CPT2: variants seen among roughly 807,000 people sequenced by gnomAD.
The protein encoded by CPT2 is carnitine O-palmitoyltransferase 2, mitochondrial.
In CPT2, 37 loss-of-function variants were observed where a neutral mutation model predicts 48.6. That is an observed-to-expected ratio of 0.76 (90% CI 0.59 to 1.00). CPT2 has a LOEUF of 1.00. CPT2 is among the 50% of genes least tolerant of loss of function. The probability of loss-of-function intolerance (pLI) is 0.00; values close to 1 mark genes in which losing one functional copy is unlikely to be tolerated. For synonymous variants in CPT2, 319 were observed against 326.9 expected (o/e 0.98, Z 0.26); for missense variants, 772 against 825.6 (o/e 0.94, Z 0.80).
intron 1 of CPT2, chr1:53,197,602 C>T (rs1329438277): frequency 8.2e-6 from 2 of 242,666 alleles, no homozygotes; most frequent in Non-Finnish European, 1.7e-5. Context: ...CCCCACCTCC[C>T]ATTTCTCCAG....
intron 1 of CPT2, chr1:53,197,297 TTCCAGAACCCC>T: frequency 1.5e-6 from 1 of 667,588 alleles, no homozygotes; most frequent in Non-Finnish European, 2.6e-6. Flanking sequence ...TCAAATTCTC[TTCCAGAACCCC>T]TCGATGCTAT....
chr1:53,208,193 C>T (rs2100269231), intron 3 of CPT2: 1 of 152,250 alleles, frequency 6.6e-6, no homozygotes, highest in African/African-American at 2.4e-5. Flanking sequence ...AATTATTTGC[C>T]TCCTTCACCA....
chr1:53,197,321 CA>C lies in CPT2; in HGVS notation c.152+227del, dbSNP rs917865437. 9.8e-6 allele frequency: 6 copies of C among 614,202 alleles called. No individual in the cohort carries two copies. In the Admixed American group the frequency reaches 1.3e-4, roughly 14 times the overall value. 38.0% of individuals were successfully genotyped at this position (614,202 alleles called of 1,614,324 possible). On this transcript the variant is annotated intron_variant, in intron 1 of 4. Coordinates refer to ENST00000371486, the MANE Select transcript of CPT2 (RefSeq NM_000098.3). The stretch of plus-strand genomic sequence containing the variant: ...CTTCCAGAACCCCTCGATGCTATCT[CA>C]GATTCTCCATCTTGAACGCTTCTCA...
At chr1:53,204,692 T>C (rs1159064458) in intron 3 of CPT2, among the ~76,000 whole-genome samples, 1 of 152,108 alleles carries the variant, frequency 6.6e-6, no homozygotes, top group Admixed American at 6.5e-5. Context: ...AATCCCCACG[T>C]GTTGAAGGAG....
chr1:53,202,758 T>G, intron 3 of CPT2: 1 of 356,384 alleles, frequency 2.8e-6, no homozygotes, highest in Non-Finnish European at 5.4e-6. Context: ...CAGACAGAAC[T>G]GTCCTCTCCA....
intron 1 of CPT2, among the ~76,000 whole-genome samples, chr1:53,198,260 AG>A: frequency 6.6e-6 from 1 of 152,200 alleles, no homozygotes; most frequent in East Asian, 1.9e-4. Flanking sequence ...CAAGAGCTAG[AG>A]GCCAGGCTTC....
chr1:53,212,015 C>T (rs1645432059), intron 4 of CPT2, among the ~76,000 whole-genome samples: 2 of 152,108 alleles, frequency 1.3e-5, no homozygotes, highest in Non-Finnish European at 2.9e-5. Context: ...GCCTCAGCCT[C>T]CCAAATAGCT....
At chr1:53,213,026 T>C (rs1645439492) in intron 4 of CPT2, among the ~76,000 whole-genome samples, 1 of 152,204 alleles carries the variant, frequency 6.6e-6, no homozygotes, top group African/African-American at 2.4e-5. Context: ...CATTTTTAGC[T>C]CAGCTGTTGA....
In CPT2 at chr1:53,196,999, G is replaced by A. The variant is rs938409577; in HGVS notation, c.56G>A (p.Gly19Glu). ...CCCCGGGGCCCCGCGGTTGGTCCGG[G>A]AGCCCCCAGTCGGCCCCTCAGCGCC... ...AWPRGPAVGPGAPSRPLSAGS... is the reference protein window; with the variant it reads ...AWPRGPAVGPEAPSRPLSAGS... The change falls in exon 1 of 5, where the codon GGA (glycine) becomes GAA (glutamate). Residue 19 changes from glycine (G) to glutamate (E), a missense_variant. Physicochemically the swap from Gly to Glu is moderately conservative, Grantham distance 98. Transcript: ENST00000371486. 1 of 1,532,426 alleles carries A rather than the reference G, an allele frequency of 6.5e-7. No individual in the cohort carries two copies. Among genetic ancestry groups the A allele is most frequent in the Non-Finnish European group, 8.7e-7 (1 of 1,144,476 alleles). 94.9% of individuals were successfully genotyped at this position (1,532,426 alleles called of 1,614,324 possible). A position where few individuals can be genotyped will look rare whatever the true frequency, so the allele number is the denominator to read the frequency against.
rs2100273464 is a variant in CPT2 at position 53,210,751 on chromosome 1, T to C, written c.1077T>C (p.Ile359=). Residue 359 remains isoleucine, a synonymous_variant, in exon 4 of 5, where the codon ATT becomes ATC. Coordinates refer to ENST00000371486, the MANE Select transcript of CPT2 (RefSeq NM_000098.3). The part of the protein sequence containing the change: ...NRWFDKSFNL[I]IAKDGSTAVH... Reference sequence around the variant, plus strand: ...GGTTTGATAAATCCTTTAACCTCATTATCGCCAAGGATGGCTCTACTGCCG... The same window carrying C: ...GGTTTGATAAATCCTTTAACCTCATCATCGCCAAGGATGGCTCTACTGCCG... 2 of 1,614,168 alleles carry C rather than the reference T, an allele frequency of 1.2e-6. No individual in the cohort carries two copies. The highest frequency in any genetic ancestry group is 1.7e-6 in the Non-Finnish European group (2 of 1,180,032).
At position 53,213,625 on chromosome 1, in the gene CPT2, T is replaced by C. The variant is rs1645446163; in HGVS notation, c.*30T>C. On this transcript the variant is annotated 3_prime_UTR_variant, in exon 5 of 5. Transcript: ENST00000371486. ...TGGGCAGATGAAAAGCTACCATCACTTCCTCATCATGAAAACTGGGAGGCC... is the reference window on the plus strand; with the variant it reads ...TGGGCAGATGAAAAGCTACCATCACCTCCTCATCATGAAAACTGGGAGGCC... 7 of 1,590,508 alleles carry C rather than the reference T, an allele frequency of 4.4e-6. No individual in the cohort carries two copies. In the Admixed American group the frequency reaches 1.2e-4, roughly 27 times the overall value.
chr1:53,205,910 C>T (rs1452587183), intron 3 of CPT2, among the ~76,000 whole-genome samples: 1 of 152,098 alleles, frequency 6.6e-6, no homozygotes, highest in African/African-American at 2.4e-5. Flanking sequence ...CGGCCGGGTG[C>T]GGTGGCTCAC....
rs1437792327 is a variant in CPT2 at position 53,213,606 on chromosome 1, G to A, written c.*11G>A. 1 of 1,609,182 alleles carries A rather than the reference G, an allele frequency of 6.2e-7. No individual in the cohort carries two copies. The highest frequency in any genetic ancestry group is 1.3e-5 in the African/African-American group (1 of 74,858). ...TCCATCAAAAGTTAACTTCTGGGCA[G>A]ATGAAAAGCTACCATCACTTCCTCA... On this transcript the variant is annotated 3_prime_UTR_variant, in exon 5 of 5. Transcript: ENST00000371486.
At position 53,210,194 on chromosome 1, in the gene CPT2, G is replaced by A. The variant is rs28936674; in HGVS notation, c.520G>A (p.Glu174Lys). ...ACTCCGGGCTGGCCTTCTGGAGCCAGAAGTGTTCCACTTGAACCCTGCAAA... is the reference window on the plus strand; with the variant it reads ...ACTCCGGGCTGGCCTTCTGGAGCCAAAAGTGTTCCACTTGAACCCTGCAAA... The part of the protein sequence containing the change: ...KTLRAGLLEP[E>K]VFHLNPAKSD... The change falls in exon 4 of 5, where the codon GAA becomes AAA. Residue 174 changes from glutamate to lysine, a missense_variant. By Grantham distance (56) the Glu-to-Lys change is moderately conservative. Transcript: ENST00000371486. 8.7e-6 allele frequency: 14 copies of A among 1,614,070 alleles called. No homozygotes were observed. The East Asian group carries it at 3.1e-4, about 36-fold the overall frequency.
In CPT2 at chr1:53,200,703, C is replaced by T. The variant is rs1163049149; in HGVS notation, c.153-16C>T. The T allele has an allele frequency of 1.2e-6, 2 of 1,601,720 alleles. No individual in the cohort carries two copies. The highest frequency in any genetic ancestry group is 1.7e-5 in the Admixed American group (1 of 59,988). The stretch of plus-strand genomic sequence containing the variant: ...CATATACTGTCAGCCTTACACTGAC[C>T]CTGCTTTCTCCCCAGGCTGCCTATT... On this transcript the variant is annotated splice_polypyrimidine_tract_variant and intron_variant, in intron 1 of 4. Transcript: ENST00000371486.
rs729227 is a variant in CPT2 at position 53,202,550 on chromosome 1, G to A, written c.340+121G>A. On this transcript the variant is annotated intron_variant, in intron 3 of 4. Transcript: ENST00000371486. The stretch of plus-strand genomic sequence containing the variant: ...TGGTGAGACCAGCAAATGAAGTAAC[G>A]TCTCATCCTCCCTTCCTGAGGTAAA... The A allele has an allele frequency of 1.2e-3, 951 of 784,970 alleles. 9 individuals carry two copies. In the African/African-American group the frequency reaches 0.015, roughly 12 times the overall value. 48.6% of individuals were successfully genotyped at this position (784,970 alleles called of 1,614,324 possible). A position where few individuals can be genotyped will look rare whatever the true frequency, so the allele number is the denominator to read the frequency against.
rs749409744 is a variant in CPT2, at chr1:53,213,388, C to T, written c.1770C>T (p.Ser590=). The T allele has an allele frequency of 1.9e-6, 3 of 1,614,246 alleles. No individual in the cohort carries two copies. In the South Asian group the frequency reaches 3.3e-5, roughly 18 times the overall value. Residue 590 remains serine (S), a synonymous_variant, in exon 5 of 5, where the codon AGC becomes AGT. Coordinates refer to ENST00000371486, the MANE Select transcript of CPT2 (RefSeq NM_000098.3). The part of the protein sequence containing the change: ...GQINHNVLST[S]TLSSPAVNLG... ...TAAACCACAATGTCCTGTCCACGAG[C>T]ACACTGAGCAGCCCAGCAGTGAACC...
intron 3 of CPT2, chr1:53,209,597 G>A (rs1030024208): frequency 1.7e-5 from 4 of 239,024 alleles, no homozygotes; most frequent in Non-Finnish European, 3.3e-5. Context: ...CCAACATGGT[G>A]AAACCCTGTC....
intron 3 of CPT2, chr1:53,203,839 T>A (rs995386679): frequency 2.6e-5 from 4 of 151,692 alleles, no homozygotes. Flanking sequence ...AAACAGAATA[T>A]GGGAAGCAAA....
Sources: allele counts gnomAD v4.1 joint callset (sites outside exome capture counted in the v4.1 genomes callset), GRCh38; gene constraint gnomAD v4.1.1; transcripts MANE v1.5; gene names NCBI Gene and HGNC (gene_info 2026-07-23, HGNC 2026-07-21).